The following CERS2 variants were observed in gnomAD, a reference collection of about 807,000 sequenced individuals.
CERS2 encodes LAG1 homolog, ceramide synthase 2.
A neutral mutation model predicts 56.6 loss-of-function variants in CERS2; 20 were observed. The observed-to-expected ratio is 0.35, with a 90% CI of 0.25 to 0.51. The LOEUF (loss-of-function observed/expected upper bound fraction) is 0.51. CERS2 is among the 20% of genes least tolerant of loss of function. The probability of loss-of-function intolerance (pLI) is 0.96; values close to 1 mark genes in which losing one functional copy is unlikely to be tolerated. For missense variants in CERS2, 361 were observed against 488.6 expected, an observed-to-expected ratio of 0.74 and a Z score of 2.46; for synonymous variants, 187 against 175.4, an observed-to-expected ratio of 1.07 and a Z score of -0.52.
At chr1:150,969,122 G>A (rs1421201912) in intron 1 of CERS2, 31 bp from the exon 2 acceptor site, 2 of 1,600,766 alleles carry the variant, frequency 1.2e-6, no homozygotes, top group African/African-American at 2.7e-5. Flanking sequence ...AGGGCATCAA[G>A]AGGGAGTAGC....
chr1:150,967,254 T>C (rs1421161900), intron 7 of CERS2, 52 bp from the exon 8 acceptor site: 7 of 1,594,798 alleles, frequency 4.4e-6, no homozygotes, highest in Non-Finnish European at 6.0e-6. Context: ...CAGCTCTCAC[T>C]ATGCCTTCTT....
rs773183257 is a variant in CERS2, at chr1:150,966,556, T to C, written c.922A>G (p.Met308Val). 6.2e-7 allele frequency: 1 copy of C among 1,614,008 alleles called. No homozygotes were observed. Among genetic ancestry groups the C allele is most frequent in the Non-Finnish European group, 8.5e-7 (1 of 1,179,988 alleles). ...AFFGYYFFNSMMGVLQLLHIF... is the reference protein window; with the variant it reads ...AFFGYYFFNSVMGVLQLLHIF... Reference sequence around the variant, plus strand: ...TGCAGCAGCTGTAGAACTCCCATCATGGAATTGAAGAAGTAATAGCCAAAG... The same window carrying C: ...TGCAGCAGCTGTAGAACTCCCATCACGGAATTGAAGAAGTAATAGCCAAAG... The change falls in exon 10 of 11, where the codon ATG becomes GTG. Residue 308 changes from methionine (M) to valine (V), a missense_variant. Physicochemically the swap from Met to Val is conservative, Grantham distance 21. Around this residue, in one of 3 missense-constraint regions of CERS2, gnomAD observed 122 missense variants for 151.9 expected, o/e 0.80. Transcript: ENST00000368954.
chr1:150,969,341 C>T (rs1671119088), intron 1 of CERS2: 7 of 420,380 alleles, frequency 1.7e-5, no homozygotes, highest in African/African-American at 4.0e-5. Flanking sequence ...TTTGGGAGGC[C>T]GAGGCTGGCA....
rs376807185 is a variant in CERS2 at position 150,966,642 on chromosome 1, G to C, written c.849-13C>G. ...GCAATGCAGGATCCTGAGGATTCAA[G>C]GAGAGAGAGAACGTGGACAAGAGCA... is the stretch of plus-strand genomic sequence containing the variant. On this transcript the variant is annotated splice_polypyrimidine_tract_variant and intron_variant, in intron 9 of 10. Coordinates refer to ENST00000368954, the MANE Select transcript of CERS2 (RefSeq NM_022075.5). 11 of 1,613,696 alleles carry C rather than the reference G, an allele frequency of 6.8e-6. No individual in the cohort carries two copies. The East Asian group carries it at 2.0e-4, about 29-fold the overall frequency.
chr1:150,969,982 C>T (rs1558033578), intron 1 of CERS2, among the ~76,000 whole-genome samples: 1 of 152,176 alleles, frequency 6.6e-6, no homozygotes, highest in Non-Finnish European at 1.5e-5. Context: ...AATCCCAGCA[C>T]TTTGGGAGAC....
At chr1:150,967,958 C>A in intron 4 of CERS2, 81 bp from the exon 5 acceptor site, 1 of 1,394,968 alleles carries the variant, frequency 7.2e-7, no homozygotes, top group East Asian at 2.3e-5. Context: ...GATACCCTCA[C>A]AAGATACCAT....
chr1:150,973,285 TCTGCAAAGTC>T (rs1558034704), intron 1 of CERS2: 1 of 152,266 alleles, frequency 6.6e-6, no homozygotes, highest in Non-Finnish European at 1.5e-5. Flanking sequence ...CTACAGCTTG[TCTGCAAAGTC>T]CCACCAAAGG....
rs771969321 is a variant in CERS2, at chr1:150,966,305, A to C, written c.1003-17T>G. 1.9e-6 allele frequency: 3 copies of C among 1,610,188 alleles called. No homozygotes were observed. The highest frequency in any genetic ancestry group is 1.7e-5 in the Admixed American group (1 of 59,240). ...TTCTACCAGCTGTGGAAAAGGGACA[A>C]GAAGGGTTATTACATGAGATCCTCA... On this transcript the variant is annotated splice_polypyrimidine_tract_variant and intron_variant, in intron 10 of 10. Transcript: ENST00000368954.
chr1:150,966,720 C>G (rs753016776), intron 9 of CERS2, 36 bp downstream of exon 9: 1 of 1,601,234 alleles, frequency 6.2e-7, no homozygotes, highest in South Asian at 1.1e-5. Context: ...CTCCTGATTT[C>G]TTCAGAACAG....
Position 150,966,459 on chromosome 1 carries a change from TG to T in CERS2, c.1002+16del. On this transcript the variant is annotated intron_variant, in intron 10 of 10. Transcript: ENST00000368954. ...GTAGAGAGTAGTAAGGCCTACACAA[TG>T]GGAACAGGGCTTCACCTTTCCAGTT... is the stretch of plus-strand genomic sequence containing the variant. 6.2e-7 allele frequency: 1 copy of T among 1,613,888 alleles called. No homozygotes were observed.
chr1:150,966,531 T>A lies in CERS2; in HGVS notation c.947A>T (p.His316Leu). Residue 316 changes from histidine to leucine, a missense_variant, in exon 10 of 11, where the codon CAT becomes CTT. Physicochemically the swap from His to Leu is moderately conservative, Grantham distance 99. This residue lies in a region of CERS2 where 122 missense variants were observed against 151.9 expected (regional missense o/e 0.80). Transcript: ENST00000368954. The part of the protein sequence containing the change: ...NSMMGVLQLL[H>L]IFWAYLILRM... Reference sequence around the variant, plus strand: ...CAAAATGAGGTAGGCCCAGAAGATATGCAGCAGCTGTAGAACTCCCATCAT... The same window carrying A: ...CAAAATGAGGTAGGCCCAGAAGATAAGCAGCAGCTGTAGAACTCCCATCAT... The A allele has an allele frequency of 6.2e-7, 1 of 1,614,126 alleles. No individual in the cohort carries two copies. Among genetic ancestry groups the A allele is most frequent in the Non-Finnish European group, 8.5e-7 (1 of 1,180,030 alleles).
chr1:150,966,398 TAG>T (rs1021184559), intron 10 of CERS2, 76 bp downstream of exon 10: 21 of 1,601,134 alleles, frequency 1.3e-5, no homozygotes, highest in East Asian at 2.2e-5. Context: ...ACTAGTTTTT[TAG>T]AGAGTTACTG....
chr1:150,969,168 G>T, intron 1 of CERS2, 77 bp from the exon 2 acceptor site: 1 of 1,326,908 alleles, frequency 7.5e-7, no homozygotes, highest in Non-Finnish European at 1.1e-6. Context: ...AAGTTTTCAG[G>T]ATGTATCAAA....
chr1:150,970,035 C>T (rs1671137105), intron 1 of CERS2, among the ~76,000 whole-genome samples: 2 of 152,192 alleles, frequency 1.3e-5, no homozygotes, highest in East Asian at 3.9e-4. Flanking sequence ...TGAGACCAGC[C>T]TGGGCAACAC....
intron 1 of CERS2, among the ~76,000 whole-genome samples, chr1:150,971,043 G>A (rs1671167603): frequency 6.6e-6 from 1 of 152,204 alleles, no homozygotes; most frequent in South Asian, 2.1e-4. Flanking sequence ...GAGAGGAATG[G>A]CAAGATGGTC....
At position 150,965,952 on chromosome 1, in the gene CERS2, A is replaced by G. The variant is rs1354499547; in HGVS notation, c.*196T>C. ...GTCCCCCTCTAACAGAATATAACCA[A>G]CGTCCCCCTACCTGGGGATAGGCTG... is the stretch of plus-strand genomic sequence containing the variant. On this transcript the variant is annotated 3_prime_UTR_variant, in exon 11 of 11. Coordinates refer to ENST00000368954, the MANE Select transcript of CERS2 (RefSeq NM_022075.5). 3 of 560,688 alleles carry G rather than the reference A, an allele frequency of 5.4e-6. No homozygotes were observed. The highest frequency in any genetic ancestry group is 9.2e-6 in the Non-Finnish European group (3 of 327,088). The allele number at this position is 560,688 out of a possible 1,614,324, so 34.7% of individuals were successfully genotyped here. A position where few individuals can be genotyped will look rare whatever the true frequency, so the allele number is the denominator to read the frequency against.
rs756755798 is a variant in CERS2 at position 150,968,200 on chromosome 1, A to C, written c.293T>G (p.Val98Gly). Residue 98 changes from valine to glycine, a missense_variant and splice_region_variant, in exon 4 of 11, where the codon GTG (valine) becomes GGG (glycine). Val to Gly is a moderately radical substitution (Grantham distance 109). Coordinates refer to ENST00000368954, the MANE Select transcript of CERS2 (RefSeq NM_022075.5). ...YLTSGKQPKQ[V>G]EVELLSRQSG... ...CTGCCGGGACAAAAGCTCTACTTCC[A>C]CCTGGGCACAGTGAAGAAGCCCATT... 1.2e-6 allele frequency: 2 copies of C among 1,608,798 alleles called. No homozygotes were observed. The highest frequency in any genetic ancestry group is 2.7e-5 in the African/African-American group (2 of 74,890).
chr1:150,970,126 G>A (rs938586755), intron 1 of CERS2, among the ~76,000 whole-genome samples: 2 of 151,428 alleles, frequency 1.3e-5, no homozygotes, highest in African/African-American at 4.9e-5. Context: ...TACTCAGGAG[G>A]CTGAGGTGGG....
At chr1:150,968,260 A>C in intron 3 of CERS2, 59 bp from the exon 4 acceptor site, 2 of 1,543,368 alleles carry the variant, frequency 1.3e-6, no homozygotes, top group Non-Finnish European at 1.8e-6. Context: ...CAGCATCCCC[A>C]GCCTCTCCCA....
Sources: allele counts gnomAD v4.1 joint callset (sites outside exome capture counted in the v4.1 genomes callset), GRCh38; gene constraint gnomAD v4.1.1; regional missense constraint gnomAD v4.1.1; transcripts MANE v1.5; gene names NCBI Gene and HGNC (gene_info 2026-07-23, HGNC 2026-07-21).